The following CTNNA3 variants were observed in gnomAD, a reference collection of about 807,000 sequenced individuals.
The protein encoded by CTNNA3 is catenin alpha-3.
Under a neutral mutation model 95.7 loss-of-function variants are expected in CTNNA3, and 76 were observed. The observed-to-expected ratio is 0.79, with a 90% CI of 0.66 to 0.96. The LOEUF (loss-of-function observed/expected upper bound fraction) is 0.96. Ranked by LOEUF, CTNNA3 falls within the 40% of genes least tolerant of loss-of-function variation. CTNNA3 has a pLI of 0.00. For missense variants in CTNNA3, 1,191 were observed against 1,089.8 expected (o/e 1.09, Z -1.31); for synonymous variants, 431 against 374.4 (o/e 1.15, Z -1.74).
intron 11 of CTNNA3, among the ~76,000 whole-genome samples, chr10:66,472,271 A>G (rs1263591877): frequency 6.6e-6 from 1 of 151,840 alleles, no homozygotes; most frequent in Non-Finnish European, 1.5e-5. Flanking sequence ...AGGAAGAGCC[A>G]TTTCGTCCAG....
chr10:66,025,805 C>T (rs1036381246), intron 15 of CTNNA3, among the ~76,000 whole-genome samples: 1 of 152,138 alleles, frequency 6.6e-6, no homozygotes, highest in Admixed American at 6.5e-5. Flanking sequence ...TAAGAGACAT[C>T]CTATTTCATA....
At chr10:67,323,482 C>G (rs1476353007) in intron 5 of CTNNA3, among the ~76,000 whole-genome samples, 1 of 152,140 alleles carries the variant, frequency 6.6e-6, no homozygotes, top group African/African-American at 2.4e-5. Context: ...AATCCTTTCT[C>G]TATTGCTTGT....
At chr10:66,736,948 T>G (rs985138425) in intron 9 of CTNNA3, among the ~76,000 whole-genome samples, 1 of 152,226 alleles carries the variant, frequency 6.6e-6, no homozygotes, top group Non-Finnish European at 1.5e-5. Flanking sequence ...TCTGAATATT[T>G]GAATTTAATT....
At chr10:66,974,013 C>T (rs1239918548) in intron 7 of CTNNA3, among the ~76,000 whole-genome samples, 3 of 152,120 alleles carry the variant, frequency 2.0e-5, no homozygotes, top group African/African-American at 7.2e-5. Flanking sequence ...CAACTGTATA[C>T]ACCAGTGTAA....
At chr10:66,436,579 T>C (rs1226864513) in intron 11 of CTNNA3, among the ~76,000 whole-genome samples, 1 of 151,160 alleles carries the variant, frequency 6.6e-6, no homozygotes, top group Admixed American at 6.6e-5. Flanking sequence ...TTAGCCTTTG[T>C]TTGTCTTTGC....
chr10:67,149,380 T>C (rs1190418325), intron 7 of CTNNA3, among the ~76,000 whole-genome samples: 1 of 151,982 alleles, frequency 6.6e-6, no homozygotes, highest in Non-Finnish European at 1.5e-5. Flanking sequence ...GGTCAGGAGA[T>C]TGAGACCATC....
intron 15 of CTNNA3, among the ~76,000 whole-genome samples, chr10:66,029,066 A>G (rs2079401167): frequency 6.6e-6 from 1 of 152,190 alleles, no homozygotes; most frequent in South Asian, 2.1e-4. Context: ...AACTCAAGAA[A>G]GATAGAACAT....
chr10:66,741,695 A>G (rs112834831), intron 9 of CTNNA3, among the ~76,000 whole-genome samples: 1 of 152,368 alleles, frequency 6.6e-6, no homozygotes, highest in African/African-American at 2.4e-5. Flanking sequence ...AAGCCATGGC[A>G]GAAGAACATA....
intron 7 of CTNNA3, among the ~76,000 whole-genome samples, chr10:67,082,671 T>A (rs922062035): frequency 3.9e-5 from 6 of 152,140 alleles, no homozygotes; most frequent in African/African-American, 1.4e-4. Context: ...ATATGTTATT[T>A]CCAAGAAGGG....
intron 14 of CTNNA3, among the ~76,000 whole-genome samples, chr10:66,077,039 A>T (rs2080578328): frequency 6.6e-6 from 1 of 151,820 alleles, no homozygotes; most frequent in Non-Finnish European, 1.5e-5. Context: ...ATCTGTGTAT[A>T]AACTGAGTAT....
chr10:67,649,216 T>C (rs1839808046), intron 1 of CTNNA3, among the ~76,000 whole-genome samples: 1 of 152,234 alleles, frequency 6.6e-6, no homozygotes, highest in Admixed American at 6.5e-5. Context: ...GAGACTGTTG[T>C]GAACTAAAAT....
At chr10:67,439,252 G>T (rs1355110173) in intron 5 of CTNNA3, among the ~76,000 whole-genome samples, 1 of 152,124 alleles carries the variant, frequency 6.6e-6, no homozygotes, top group African/African-American at 2.4e-5. Context: ...CCCTGTATTA[G>T]CCTGTTCTTG....
At chr10:67,249,005 A>G (rs1435087289) in intron 5 of CTNNA3, among the ~76,000 whole-genome samples, 1 of 152,226 alleles carries the variant, frequency 6.6e-6, no homozygotes, top group African/African-American at 2.4e-5. Flanking sequence ...AAGAAAACAT[A>G]GGAGTAAATC....
intron 7 of CTNNA3, among the ~76,000 whole-genome samples, chr10:66,786,827 T>C (rs528443641): frequency 6.6e-6 from 1 of 152,168 alleles, no homozygotes; most frequent in African/African-American, 2.4e-5. Context: ...TATTGACCAT[T>C]CTTAGAGGGC....
chr10:66,845,558 C>A (rs574580043), intron 7 of CTNNA3, among the ~76,000 whole-genome samples: 348 of 151,336 alleles, frequency 2.3e-3, no homozygotes, highest in Non-Finnish European at 3.6e-3. Context: ...ACAAAATTAG[C>A]CTGGCGTGGT....
chr10:66,186,284 GT>G (rs2086339908), intron 13 of CTNNA3, among the ~76,000 whole-genome samples: 1 of 113,346 alleles, frequency 8.8e-6, no homozygotes, highest in Admixed American at 8.1e-5. Context: ...AAATGTGAGT[GT>G]GTGTGTGTGT....
At chr10:66,082,376 CAAATTAT>C (rs1411353152) in intron 14 of CTNNA3, among the ~76,000 whole-genome samples, 1 of 151,964 alleles carries the variant, frequency 6.6e-6, no homozygotes, top group East Asian at 1.9e-4. Context: ...AAGACAAATT[CAAATTAT>C]ATGAGATTCT....
At chr10:66,266,721 A>G (rs987752327) in intron 13 of CTNNA3, among the ~76,000 whole-genome samples, 1 of 151,960 alleles carries the variant, frequency 6.6e-6, no homozygotes, top group African/African-American at 2.4e-5. Context: ...AATACTTTTG[A>G]CATATGCTTG....
intron 15 of CTNNA3, among the ~76,000 whole-genome samples, chr10:66,027,959 A>G (rs1297360539): frequency 6.6e-6 from 1 of 152,220 alleles, no homozygotes; most frequent in African/African-American, 2.4e-5. Context: ...AGAGTCCTCC[A>G]GTTTAAAGGA....
Sources: allele counts gnomAD v4.1 joint callset (sites outside exome capture counted in the v4.1 genomes callset), GRCh38; gene constraint gnomAD v4.1.1; transcripts MANE v1.5; gene names NCBI Gene and HGNC (gene_info 2026-07-23, HGNC 2026-07-21).